The following CYRIB variants were observed in gnomAD, a reference collection of about 807,000 sequenced individuals.
CYRIB encodes the protein CYFIP related Rac1 interactor B.
Under a neutral mutation model 44.2 loss-of-function variants are expected in CYRIB, and 8 were observed. The ratio of observed to expected loss-of-function variants is 0.18; its 90% CI spans 0.11 to 0.33. The LOEUF (loss-of-function observed/expected upper bound fraction) is 0.33, where lower values mean the gene tolerates loss of function less well. Ranked by LOEUF, CYRIB falls within the 10% of genes least tolerant of loss-of-function variation. The pLI, the probability that CYRIB is intolerant of heterozygous loss-of-function variation, is 1.00. For synonymous variants in CYRIB, 131 were observed against 127.2 expected, an observed-to-expected ratio of 1.03 and a Z score of -0.20; for missense variants, 185 against 382.8, an observed-to-expected ratio of 0.48 and a Z score of 4.31.
At chr8:129,887,042 G>A (rs984828397) in intron 2 of CYRIB, among the ~76,000 whole-genome samples, 34 of 152,186 alleles carry the variant, frequency 2.2e-4, no homozygotes, top group African/African-American at 5.5e-4. Flanking sequence ...TTGTGTCTCC[G>A]CCCAAATTCA....
intron 1 of CYRIB, among the ~76,000 whole-genome samples, chr8:130,007,466 T>C (rs947805911): frequency 2.0e-5 from 3 of 152,212 alleles, no homozygotes; most frequent in Non-Finnish European, 4.4e-5. Flanking sequence ...AGAGTTACCA[T>C]GAAAGTAAGA....
rs138647640 is a variant in CYRIB, at chr8:129,997,119, A to AAGGAGG, written c.-296+19245_-296+19250dup. Among the ~76,000 whole-genome samples, 86 of 89,926 alleles carry AAGGAGG rather than the reference A, an allele frequency of 9.6e-4. 1 individual carries two copies. The highest frequency in any genetic ancestry group is 7.0e-3 in the African/African-American group (70 of 10,010). The allele number at this position is 89,926 out of a possible 152,430, so 59.0% of individuals were successfully genotyped here. A position where few individuals can be genotyped will look rare whatever the true frequency, so the allele number is the denominator to read the frequency against. ...GAGGGAAGGAAGGAAGGAAGGAAGG[A>AAGGAGG]AGGAGGAGGAGGAGGAGGAGGGAGG... is the stretch of plus-strand genomic sequence containing the variant. On this transcript the variant is annotated intron_variant, in intron 1 of 14. Transcript: ENST00000401979.
intron 1 of CYRIB, among the ~76,000 whole-genome samples, chr8:129,991,078 G>C (rs567722174): frequency 6.8e-6 from 1 of 146,716 alleles, no homozygotes; most frequent in East Asian, 2.0e-4. Flanking sequence ...GTTGCAGTGA[G>C]CCGAGATCGC....
intron 1 of CYRIB, among the ~76,000 whole-genome samples, chr8:129,975,983 C>T (rs983050937): frequency 1.1e-4 from 17 of 151,996 alleles, no homozygotes; most frequent in African/African-American, 3.9e-4. Flanking sequence ...AAAGGAAGCC[C>T]ATGGGAAATC....
intron 1 of CYRIB, among the ~76,000 whole-genome samples, chr8:129,994,538 G>A (rs960529818): frequency 1.3e-5 from 2 of 152,164 alleles, no homozygotes; most frequent in African/African-American, 4.8e-5. Context: ...GGTGTTCAAG[G>A]CACGGCATCA....
At chr8:130,011,551 C>T (rs1282130147) in intron 1 of CYRIB, among the ~76,000 whole-genome samples, 1 of 151,826 alleles carries the variant, frequency 6.6e-6, no homozygotes, top group African/African-American at 2.4e-5. Context: ...GGCATGGTGG[C>T]TCACGCCTGT....
intron 1 of CYRIB, among the ~76,000 whole-genome samples, chr8:130,013,749 T>C (rs888391497): frequency 8.5e-5 from 13 of 152,186 alleles, no homozygotes; most frequent in African/African-American, 3.1e-4. Flanking sequence ...ATAAGAGCTG[T>C]CAGGGACCAG....
chr8:129,840,616 T>C (rs2035876100), exon 12 of CYRIB: 1 of 152,300 alleles, frequency 6.6e-6, no homozygotes, highest in South Asian at 2.1e-4. Flanking sequence ...TAATAGAAGC[T>C]AACCCTTCAA....
chr8:129,881,359 G>T (rs2060743291), intron 2 of CYRIB, among the ~76,000 whole-genome samples: 1 of 152,126 alleles, frequency 6.6e-6, no homozygotes, highest in African/African-American at 2.4e-5. Context: ...TTTCTCCAAA[G>T]ATCCCGTTGC....
exon 12 of CYRIB, chr8:129,840,071 A>C (rs978080742): frequency 1.3e-5 from 2 of 158,904 alleles, no homozygotes; most frequent in African/African-American, 4.8e-5. Context: ...AGCGCAGGTA[A>C]GTATCAGAGG....
In CYRIB at chr8:129,900,041, T is replaced by TA. The variant is rs201485704; in HGVS notation, c.-11+3270dup. On this transcript the variant is annotated intron_variant, in intron 2 of 11. Coordinates refer to ENST00000519824, the Ensembl canonical transcript of CYRIB. ...TTCACTACCACATGTCTAAAGGTGCTAAAAAAACGGAGAAAGGGGATGACA... is the reference window on the plus strand; with the variant it reads ...TTCACTACCACATGTCTAAAGGTGCTAAAAAAAACGGAGAAAGGGGATGACA... 9.8e-3 allele frequency among the ~76,000 whole-genome samples: 1,487 copies of TA among 152,066 alleles called. 19 individuals carry two copies. Among genetic ancestry groups the TA allele is most frequent in the African/African-American group, 0.032 (1,325 of 41,458 alleles).
At position 129,918,643 on chromosome 8, in the gene CYRIB, C is replaced by T. The variant is rs74550885; in HGVS notation, c.-49-15293G>A. On this transcript the variant is annotated intron_variant, in intron 1 of 11. Transcript: ENST00000519824. ...CAGCACATCATATCACTCATCAAAA[C>T]GCTGGACCCTTTCCCATGACTCAAA... Among the ~76,000 whole-genome samples, 778 of 152,238 alleles carry T rather than the reference C, an allele frequency of 5.1e-3. 8 individuals are homozygous for T. The highest frequency in any genetic ancestry group is 0.018 in the African/African-American group (728 of 41,516).
intron 11 of CYRIB, chr8:129,844,622 G>T (rs912971838): frequency 6.6e-6 from 1 of 152,066 alleles, no homozygotes; most frequent in Non-Finnish European, 1.5e-5. Context: ...ATGGACATAT[G>T]ACTTGATGCC....
At chr8:129,910,720 C>T (rs534837895) in intron 1 of CYRIB, among the ~76,000 whole-genome samples, 1 of 152,134 alleles carries the variant, frequency 6.6e-6, no homozygotes, top group African/African-American at 2.4e-5. Context: ...ATGGCTTAAG[C>T]GCAAGAGTTC....
At chr8:129,962,954 G>C (rs868365602) in intron 2 of CYRIB, among the ~76,000 whole-genome samples, 1 of 152,136 alleles carries the variant, frequency 6.6e-6, no homozygotes, top group Non-Finnish European at 1.5e-5. Flanking sequence ...TCTCCCTCAG[G>C]GGGAGGGCAT....
intron 1 of CYRIB, among the ~76,000 whole-genome samples, chr8:129,997,782 C>A (rs957138942): frequency 6.6e-6 from 1 of 152,066 alleles, no homozygotes; most frequent in African/African-American, 2.4e-5. Flanking sequence ...TTGGGGACAG[C>A]CTTTGGAGGA....
chr8:130,001,481 C>T (rs1046706834), intron 1 of CYRIB, among the ~76,000 whole-genome samples: 2 of 150,970 alleles, frequency 1.3e-5, no homozygotes, highest in Non-Finnish European at 3.0e-5. Context: ...GGCAACTGTT[C>T]GTCAGTGGCT....
At chr8:130,016,207 C>A (rs972736199) in intron 1 of CYRIB, among the ~76,000 whole-genome samples, 163 bp downstream of exon 1, 8 of 147,198 alleles carry the variant, frequency 5.4e-5, no homozygotes, top group Non-Finnish European at 7.6e-5. Flanking sequence ...CCCTGTCCAC[C>A]CGCCGCAGCG....
intron 1 of CYRIB, among the ~76,000 whole-genome samples, chr8:129,987,919 G>C (rs530229783): frequency 6.6e-6 from 1 of 152,176 alleles, no homozygotes; most frequent in Non-Finnish European, 1.5e-5. Context: ...ACGGCCTACA[G>C]ACTGGGACGC....
Sources: gnomAD v4.1 joint callset for allele counts (sites outside exome capture counted in the v4.1 genomes callset) on GRCh38, gnomAD v4.1.1 for gene constraint, MANE v1.5 for transcripts, NCBI Gene and HGNC (gene_info 2026-07-23, HGNC 2026-07-21) for gene names.